ZNF592: variants seen among roughly 807,000 people sequenced by gnomAD.
ZNF592 encodes the protein spinocerebellar ataxia, autosomal recessive 5.
In ZNF592, 11 loss-of-function variants were observed where a neutral mutation model predicts 80.3. The observed-to-expected ratio is 0.14, with a 90% CI of 0.09 to 0.23. The LOEUF is 0.23. ZNF592 is among the 10% of genes least tolerant of loss of function. The pLI is 1.00. For synonymous variants in ZNF592, 646 were observed against 640.3 expected (o/e 1.01, Z -0.13); for missense variants, 1,420 against 1,633.9 (o/e 0.87, Z 2.26).
intron 3 of ZNF592, among the ~76,000 whole-genome samples, chr15:84,779,581 G>C (rs1962360988): frequency 6.6e-6 from 1 of 151,838 alleles, no homozygotes; most frequent in African/African-American, 2.4e-5. Flanking sequence ...CAAACTCCTG[G>C]GCTCAAGTGA....
chr15:84,762,402 G>C (rs890463596), intron 1 of ZNF592, among the ~76,000 whole-genome samples: 3 of 152,204 alleles, frequency 2.0e-5, no homozygotes, highest in Non-Finnish European at 4.4e-5. Context: ...AAGGAAGTGA[G>C]AGAGGGAGCC....
Position 84,782,727 on chromosome 15 carries a change from A to T in ZNF592, c.52A>T (p.Ile18Phe), listed in dbSNP as rs1348620788. The T allele has an allele frequency of 6.2e-7, 1 of 1,614,120 alleles. No homozygotes were observed. Among genetic ancestry groups the T allele is most frequent in the Non-Finnish European group, 8.5e-7 (1 of 1,180,018 alleles). ...TGATGACCTTCTGGCTGCCTTTGACATCCCAGACCCCACCAGCCTTGATGC... is the reference window on the plus strand; with the variant it reads ...TGATGACCTTCTGGCTGCCTTTGACTTCCCAGACCCCACCAGCCTTGATGC... Reference protein sequence around the residue: ...DFDDLLAAFDIPDPTSLDAKE... With the variant: ...DFDDLLAAFDFPDPTSLDAKE... The change falls in exon 4 of 11, where the codon ATC becomes TTC. Residue 18 changes from isoleucine to phenylalanine, a missense_variant. Ile to Phe is a conservative substitution (Grantham distance 21). This residue lies in a region of ZNF592 where 10 missense variants were observed against 32.1 expected (regional missense o/e 0.31). Transcript: ENST00000560079.
At chr15:84,791,157 T>C (rs1962737023) in intron 5 of ZNF592, among the ~76,000 whole-genome samples, 1 of 152,348 alleles carries the variant, frequency 6.6e-6, no homozygotes, top group East Asian at 1.9e-4. Flanking sequence ...GTCTATTTGG[T>C]TTTAAAACGT....
chr15:84,769,063 C>T (rs1899622517), intron 2 of ZNF592, among the ~76,000 whole-genome samples: 1 of 152,120 alleles, frequency 6.6e-6, no homozygotes, highest in Non-Finnish European at 1.5e-5. Flanking sequence ...GCCTCAGCCT[C>T]CTGAGTAGCT....
At chr15:84,760,797 C>A (rs1290898532) in intron 1 of ZNF592, among the ~76,000 whole-genome samples, 1 of 152,120 alleles carries the variant, frequency 6.6e-6, no homozygotes, top group Non-Finnish European at 1.5e-5. Context: ...AGTCTCTATA[C>A]CCCATCTCTT....
rs1335635844 is a variant in ZNF592 at position 84,778,280 on chromosome 15, A to T, written c.-52A>T. On this transcript the variant is annotated 5_prime_UTR_variant, in exon 3 of 11. Transcript: ENST00000560079. ...GGAGGGGGGGCTCCAAAGCCGAAAG[A>T]GGAGGTCCCTACCTGCCACGGATAC... 1 of 285,428 alleles carries T rather than the reference A, an allele frequency of 3.5e-6. No individual in the cohort carries two copies. The highest frequency in any genetic ancestry group is 2.3e-5 in the African/African-American group (1 of 43,848). The allele number at this position is 285,428 out of a possible 1,614,324, so 17.7% of individuals were successfully genotyped here. A position where few individuals can be genotyped will look rare whatever the true frequency, so the allele number is the denominator to read the frequency against.
chr15:84,783,518 G>C lies in ZNF592; in HGVS notation c.843G>C (p.Leu281=). Residue 281 remains leucine (L), a synonymous_variant, in exon 4 of 11, where the codon CTG becomes CTC. Coordinates refer to ENST00000560079, the MANE Select transcript of ZNF592 (RefSeq NM_014630.3). This position sits in a 1 kb window ranked among gnomAD's most constrained non-coding sequence, Gnocchi z 5.0. ...RQRLKPAHSK[L]SSCVAALVAL... ...GTCTAAAGCCAGCTCATTCCAAGCT[G>C]TCCTCTTGTGTGGCAGCCTTGGTGG... 1 of 1,614,246 alleles carries C rather than the reference G, an allele frequency of 6.2e-7. No individual in the cohort carries two copies. The highest frequency in any genetic ancestry group is 8.5e-7 in the Non-Finnish European group (1 of 1,180,046).
Position 84,797,970 on chromosome 15 carries a change from T to A in ZNF592, c.2501T>A (p.Met834Lys). 6.2e-7 allele frequency: 1 copy of A among 1,614,212 alleles called. No homozygotes were observed. The highest frequency in any genetic ancestry group is 8.5e-7 in the Non-Finnish European group (1 of 1,180,044). The stretch of plus-strand genomic sequence containing the variant: ...TTCCACAAATGTGCATTCTGCCCCA[T>A]GGCCTTCAAGACTGCCAGCAGCACT... Reference protein sequence around the residue: ...QVFHKCAFCPMAFKTASSTAD... With the variant: ...QVFHKCAFCPKAFKTASSTAD... Residue 834 changes from methionine (M) to lysine (K), a missense_variant, in exon 6 of 11, where the codon ATG becomes AAG. This residue lies in a region of ZNF592 where 331 missense variants were observed against 347.0 expected (regional missense o/e 0.95). Transcript: ENST00000560079.
intron 5 of ZNF592, among the ~76,000 whole-genome samples, chr15:84,796,078 C>T (rs908079662): frequency 4.0e-5 from 6 of 150,852 alleles, no homozygotes; most frequent in Non-Finnish European, 5.9e-5. Flanking sequence ...AAAAGTAAGC[C>T]GGGTGTGGTT....
chr15:84,776,711 A>G (rs1962262360), intron 2 of ZNF592, among the ~76,000 whole-genome samples: 1 of 152,210 alleles, frequency 6.6e-6, no homozygotes, highest in Non-Finnish European at 1.5e-5. Flanking sequence ...AGCCAAGATC[A>G]TGCCACTGCA....
chr15:84,782,555 TG>T, intron 3 of ZNF592, 101 bp from the exon 4 acceptor site: 1 of 1,086,870 alleles, frequency 9.2e-7, no homozygotes, highest in Non-Finnish European at 1.4e-6. Flanking sequence ...GGGTTCTGCA[TG>T]GGTGTGCTGG....
rs35504944 is a variant in ZNF592 at position 84,764,784 on chromosome 15, C to T, written c.-181C>T. 2.0e-5 allele frequency: 8 copies of T among 398,844 alleles called. No homozygotes were observed. The highest frequency in any genetic ancestry group is 1.2e-4 in the African/African-American group (6 of 48,570). The allele number at this position is 398,844 out of a possible 1,614,324, so 24.7% of individuals were successfully genotyped here. A position where few individuals can be genotyped will look rare whatever the true frequency, so the allele number is the denominator to read the frequency against. ...GCAGCTCTGCTCCCCTAGCAACGCT[C>T]GCCACACCCTTGTTTTGAGATCCTC... On this transcript the variant is annotated 5_prime_UTR_variant, in exon 2 of 11. Transcript: ENST00000560079.
intron 2 of ZNF592, among the ~76,000 whole-genome samples, chr15:84,769,007 C>T (rs746115011): frequency 1.3e-5 from 2 of 152,184 alleles, no homozygotes; most frequent in African/African-American, 2.4e-5. Flanking sequence ...ATAGCACGAT[C>T]GTGGCTCACT....
chr15:84,773,313 G>A (rs1041932423), intron 2 of ZNF592, among the ~76,000 whole-genome samples: 1 of 150,494 alleles, frequency 6.6e-6, no homozygotes, highest in Non-Finnish European at 1.5e-5. Flanking sequence ...CCGGGTTCAC[G>A]CCATTCTCCT....
At position 84,798,730 on chromosome 15, in the gene ZNF592, C is replaced by G. The variant is rs1172277976; in HGVS notation, c.2879C>G (p.Ser960Cys). ...SVAARSSSLP[S>C]GRWGRPEAHR... is the part of the protein sequence containing the mutation. ...GCTGCTCGGAGCAGCTCCCTGCCTT[C>G]TGGCCGCTGGGGTAGGCCTGAAGCC... Residue 960 changes from serine (S) to cysteine (C), a missense_variant, in exon 8 of 11, where the codon TCT becomes TGT. Coordinates refer to ENST00000560079, the MANE Select transcript of ZNF592 (RefSeq NM_014630.3). The surrounding 1 kb of genome is among the most constrained non-coding windows in gnomAD (Gnocchi z 4.5). The G allele has an allele frequency of 1.2e-6, 2 of 1,611,350 alleles. No homozygotes were observed. Among genetic ancestry groups the G allele is most frequent in the Non-Finnish European group, 1.7e-6 (2 of 1,179,984 alleles).
At chr15:84,758,163 T>TG (rs1567058774) in intron 1 of ZNF592, among the ~76,000 whole-genome samples, 1 of 150,546 alleles carries the variant, frequency 6.6e-6, no homozygotes, top group African/African-American at 2.5e-5. Context: ...TTAGTAGAGA[T>TG]GGGGTTTCAC....
In ZNF592 at chr15:84,799,042, C is replaced by T; in HGVS notation, c.3025-56C>T. The T allele has an allele frequency of 6.2e-7, 1 of 1,604,750 alleles. No homozygotes were observed. On this transcript the variant is annotated intron_variant, in intron 8 of 10. Transcript: ENST00000560079. This position sits in a 1 kb window ranked among gnomAD's most constrained non-coding sequence, Gnocchi z 4.2. ...CCCATGGCATCTGAGAAGAAAAATGCACCCAGAACTATCTTACAGTTCTGA... is the reference window on the plus strand; with the variant it reads ...CCCATGGCATCTGAGAAGAAAAATGTACCCAGAACTATCTTACAGTTCTGA...
intron 10 of ZNF592, 86 bp from the exon 11 acceptor site, chr15:84,801,777 C>G: frequency 2.5e-6 from 4 of 1,606,100 alleles, no homozygotes; most frequent in Non-Finnish European, 3.4e-6. Context: ...GTGGTGCTTT[C>G]TTTGAGTCCT....
At chr15:84,794,306 A>T (rs1191607789) in intron 5 of ZNF592, among the ~76,000 whole-genome samples, 3 of 152,168 alleles carry the variant, frequency 2.0e-5, no homozygotes, top group Non-Finnish European at 4.4e-5. Context: ...CTATTTTCCA[A>T]AGTGACTGCA....
Sources: gnomAD v4.1 joint callset for allele counts (sites outside exome capture counted in the v4.1 genomes callset) on GRCh38, gnomAD v4.1.1 for gene constraint, gnomAD v4.1.1 regional missense constraint, Gnocchi (gnomAD v3.1) non-coding constraint, MANE v1.5 for transcripts, NCBI Gene and HGNC (gene_info 2026-07-23, HGNC 2026-07-21) for gene names.